Variants in CCDC91 observed in about 807,000 individuals in gnomAD.
CCDC91 encodes the protein coiled-coil domain-containing protein 91.
A neutral mutation model predicts 63.2 loss-of-function variants in CCDC91; 48 were observed. The observed-to-expected ratio is 0.76, with a 90% confidence interval of 0.60 to 0.97. The LOEUF (loss-of-function observed/expected upper bound fraction) is 0.97. Among genes scored for constraint, CCDC91 ranks in the 50% least tolerant of loss-of-function variants. The pLI, the probability that CCDC91 is intolerant of heterozygous loss-of-function variation, is 0.00. For missense variants in CCDC91, 500 were observed against 494.6 expected, an observed-to-expected ratio of 1.01 and a Z score of -0.10; for synonymous variants, 167 against 165.8, an observed-to-expected ratio of 1.01 and a Z score of -0.06.
chr12:28,415,224 C>G (rs572156461), intron 8 of CCDC91, among the ~76,000 whole-genome samples: 1 of 130,464 alleles, frequency 7.7e-6, no homozygotes, highest in Non-Finnish European at 1.7e-5. Context: ...GTTTGTAAAG[C>G]GGATTTTTTT....
At chr12:28,434,249 T>C (rs551277542) in intron 8 of CCDC91, among the ~76,000 whole-genome samples, 17 of 151,824 alleles carry the variant, frequency 1.1e-4, no homozygotes, top group Admixed American at 3.3e-4. Flanking sequence ...AGATTTTTTG[T>C]AGATGTTCTT....
intron 8 of CCDC91, among the ~76,000 whole-genome samples, chr12:28,442,630 A>G (rs1402511263): frequency 6.6e-6 from 1 of 152,142 alleles, no homozygotes; most frequent in Non-Finnish European, 1.5e-5. Flanking sequence ...TTGTTCACTC[A>G]GAGGGCATGG....
chr12:28,249,333 A>G (rs1209313715), intron 1 of CCDC91, among the ~76,000 whole-genome samples: 2 of 152,216 alleles, frequency 1.3e-5, no homozygotes, highest in Non-Finnish European at 2.9e-5. Flanking sequence ...AGGTGTTATC[A>G]GTTGCCTTGC....
chr12:28,335,760 G>A (rs988937077), intron 6 of CCDC91, among the ~76,000 whole-genome samples: 12 of 151,842 alleles, frequency 7.9e-5, no homozygotes, highest in African/African-American at 2.9e-4. Context: ...ATTTTTAGTA[G>A]AATTCTCCCA....
chr12:28,406,415 A>G lies in CCDC91; in HGVS notation c.762+15004A>G, dbSNP rs191246210. Reference sequence around the variant, plus strand: ...AGCTAGGTCGTATGATCAAATACCTAGCTAGGTTGTATGGTAAAGTATATG... The same window carrying G: ...AGCTAGGTCGTATGATCAAATACCTGGCTAGGTTGTATGGTAAAGTATATG... On this transcript the variant is annotated intron_variant, in intron 8 of 12. Transcript: ENST00000536442. Among the ~76,000 whole-genome samples, 28 of 152,294 alleles carry G rather than the reference A, an allele frequency of 1.8e-4. No homozygotes were observed. In the East Asian group the frequency reaches 5.4e-3, roughly 29 times the overall value.
intron 1 of CCDC91, among the ~76,000 whole-genome samples, chr12:28,212,969 CAAAT>C (rs1324829853): frequency 2.0e-5 from 3 of 152,258 alleles, no homozygotes; most frequent in South Asian, 2.1e-4. Flanking sequence ...TTTTAATAAA[CAAAT>C]AAGTTATAGT....
intron 3 of CCDC91, 148 bp from the exon 4 acceptor site, chr12:28,305,500 TA>T (rs1216914482): frequency 1.5e-6 from 1 of 680,056 alleles, no homozygotes; most frequent in African/African-American, 1.8e-5. Context: ...GGAATAGTCA[TA>T]GAATCCTGAT....
intron 11 of CCDC91, among the ~76,000 whole-genome samples, chr12:28,472,447 A>G (rs1214507554): frequency 2.0e-5 from 3 of 152,172 alleles, no homozygotes; most frequent in Non-Finnish European, 2.9e-5. Context: ...AAAGTTAACA[A>G]TTTTTATTGA....
intron 12 of CCDC91, among the ~76,000 whole-genome samples, chr12:28,487,043 TA>T (rs942374497): frequency 7.2e-5 from 11 of 151,928 alleles, no homozygotes; most frequent in Non-Finnish European, 1.5e-4. Context: ...TGTTGCTAAT[TA>T]AAAAATGTGC....
At chr12:28,203,547 C>A (rs936661839) in intron 1 of CCDC91, among the ~76,000 whole-genome samples, 4 of 152,182 alleles carry the variant, frequency 2.6e-5, no homozygotes, top group African/African-American at 7.2e-5. Context: ...ATGTAGCAAA[C>A]CATTTAACAA....
At chr12:28,274,018 TA>T (rs1311744787) in intron 3 of CCDC91, among the ~76,000 whole-genome samples, 1 of 152,212 alleles carries the variant, frequency 6.6e-6, no homozygotes, top group Non-Finnish European at 1.5e-5. Context: ...AATTTTTGTA[TA>T]AGGTGTAAGG....
At chr12:28,319,994 G>A (rs1490759863) in intron 6 of CCDC91, among the ~76,000 whole-genome samples, 2 of 151,774 alleles carry the variant, frequency 1.3e-5, no homozygotes, top group Non-Finnish European at 2.9e-5. Context: ...CAGGCTGTAT[G>A]CTAAATCTTC....
At chr12:28,425,427 A>G (rs374636182) in intron 8 of CCDC91, among the ~76,000 whole-genome samples, 1 of 152,076 alleles carries the variant, frequency 6.6e-6, no homozygotes, top group East Asian at 1.9e-4. Flanking sequence ...TCCAGGCTCT[A>G]TAAAACTGCC....
chr12:28,326,981 T>C (rs953200967), intron 6 of CCDC91, among the ~76,000 whole-genome samples: 4 of 152,038 alleles, frequency 2.6e-5, no homozygotes, highest in African/African-American at 9.7e-5. Context: ...GTCACAGATA[T>C]AGGGCGTCTT....
intron 1 of CCDC91, among the ~76,000 whole-genome samples, chr12:28,196,531 A>T (rs760864406): frequency 6.6e-6 from 1 of 152,176 alleles, no homozygotes; most frequent in African/African-American, 2.4e-5. Flanking sequence ...ATTGCTCTTC[A>T]TCTTAGTAGA....
chr12:28,302,480 T>TAGA (rs1333744086), intron 3 of CCDC91, among the ~76,000 whole-genome samples: 1 of 152,092 alleles, frequency 6.6e-6, no homozygotes, highest in African/African-American at 2.4e-5. Context: ...AACTTTGGCT[T>TAGA]AGAAGAGTTA....
At chr12:28,381,589 C>T (rs1222720231) in intron 7 of CCDC91, among the ~76,000 whole-genome samples, 2 of 152,038 alleles carry the variant, frequency 1.3e-5, no homozygotes, top group African/African-American at 4.8e-5. Flanking sequence ...TGCTTTATAG[C>T]AATCGGAGGC....
intron 3 of CCDC91, among the ~76,000 whole-genome samples, chr12:28,267,750 AC>A (rs1167222990): frequency 1.7e-5 from 1 of 59,702 alleles, no homozygotes. Flanking sequence ...ATTATATATT[AC>A]TATATAATTA....
At chr12:28,470,762 A>G (rs1017055236) in intron 11 of CCDC91, among the ~76,000 whole-genome samples, 4 of 152,138 alleles carry the variant, frequency 2.6e-5, no homozygotes, top group African/African-American at 9.7e-5. Flanking sequence ...CATAGAAATG[A>G]ATTATGTCAT....
Sources: allele counts gnomAD v4.1 joint callset (sites outside exome capture counted in the v4.1 genomes callset), GRCh38; gene constraint gnomAD v4.1.1; transcripts MANE v1.5; gene names NCBI Gene and HGNC (gene_info 2026-07-23, HGNC 2026-07-21).